The following TMEM47 variants were observed in gnomAD, a reference collection of about 807,000 sequenced individuals.
TMEM47 encodes brain cell membrane protein 1.
A neutral mutation model predicts 12.4 loss-of-function variants in TMEM47; 3 were observed. The ratio of observed to expected loss-of-function variants is 0.24; its 90% CI spans 0.11 to 0.63. The LOEUF (loss-of-function observed/expected upper bound fraction) is 0.63. TMEM47 is among the 20% of genes least tolerant of loss of function. The probability of loss-of-function intolerance (pLI) is 0.86; values close to 1 mark genes in which losing one functional copy is unlikely to be tolerated. For missense variants in TMEM47, 89 were observed against 143.8 expected, an observed-to-expected ratio of 0.62 and a Z score of 1.95; for synonymous variants, 62 against 63.3, an observed-to-expected ratio of 0.98 and a Z score of 0.10.
chrX:34,632,377 G>A (rs1186344037), intron 2 of TMEM47, among the ~76,000 whole-genome samples: 2 of 111,481 alleles, frequency 1.8e-5, no homozygotes, highest in East Asian at 5.6e-4. Context: ...GTTTTAAAAT[G>A]TACTCTCATC....
chrX:34,645,390 G>A (rs190426442), intron 1 of TMEM47, among the ~76,000 whole-genome samples: 2 of 111,850 alleles, frequency 1.8e-5, no homozygotes, highest in Admixed American at 1.9e-4. Flanking sequence ...TTAATGCTAC[G>A]CATTTCTGAG....
chrX:34,637,129 G>A (rs1042640791), intron 2 of TMEM47, among the ~76,000 whole-genome samples: 5 of 111,613 alleles, frequency 4.5e-5, no homozygotes, highest in Admixed American at 3.8e-4. Flanking sequence ...CACATGACAG[G>A]TGCTTAATTA....
chrX:34,653,060 T>A (rs1922044562), intron 1 of TMEM47, among the ~76,000 whole-genome samples: 1 of 112,241 alleles, frequency 8.9e-6, no homozygotes, highest in Admixed American at 9.4e-5. Flanking sequence ...ATCTCAGATT[T>A]GCTAAGACGT....
At chrX:34,654,843 C>T (rs1922076246) in intron 1 of TMEM47, among the ~76,000 whole-genome samples, 1 of 111,943 alleles carries the variant, frequency 8.9e-6, no homozygotes, top group African/African-American at 3.3e-5. Flanking sequence ...AGCTGATTTT[C>T]AGAAATCCAA....
intron 1 of TMEM47, among the ~76,000 whole-genome samples, chrX:34,653,678 A>T (rs933759300): frequency 9.0e-6 from 1 of 111,677 alleles, no homozygotes; most frequent in African/African-American, 3.3e-5. Context: ...TCCTAGAAAT[A>T]AAGTTAGCAA....
intron 2 of TMEM47, among the ~76,000 whole-genome samples, chrX:34,635,406 T>C (rs1019868405): frequency 1.8e-4 from 20 of 111,758 alleles, no homozygotes; most frequent in African/African-American, 6.2e-4. Context: ...ATAAAGTATA[T>C]GCACTTGATT....
At chrX:34,646,908 C>G (rs1478932019) in intron 1 of TMEM47, among the ~76,000 whole-genome samples, 1 of 111,583 alleles carries the variant, frequency 9.0e-6, no homozygotes, top group Non-Finnish European at 1.9e-5. Flanking sequence ...CTTCACAGCA[C>G]TTTGCACATT....
chrX:34,632,212 T>C (rs1434794930), intron 2 of TMEM47, among the ~76,000 whole-genome samples: 1 of 111,825 alleles, frequency 8.9e-6, no homozygotes. Context: ...TTTTGTTTAA[T>C]TCATCTGAAA....
intron 2 of TMEM47, among the ~76,000 whole-genome samples, chrX:34,635,228 A>G (rs766873002): frequency 8.9e-6 from 1 of 111,779 alleles, no homozygotes; most frequent in African/African-American, 3.2e-5. Context: ...GAATGAGATT[A>G]TTCTCGAGGT....
intron 1 of TMEM47, among the ~76,000 whole-genome samples, chrX:34,648,593 A>T (rs755056706): frequency 2.0e-4 from 23 of 112,239 alleles, no homozygotes; most frequent in African/African-American, 7.4e-4. Context: ...CTACGTTGTC[A>T]ACCCTATAAG....
intron 1 of TMEM47, among the ~76,000 whole-genome samples, chrX:34,642,144 A>G (rs1242038908): frequency 1.8e-5 from 2 of 112,768 alleles, no homozygotes; most frequent in African/African-American, 6.4e-5. Flanking sequence ...GGCGTGAGCC[A>G]CTGCACCCAG....
chrX:34,648,815 C>G (rs751356432), intron 1 of TMEM47, among the ~76,000 whole-genome samples: 35 of 112,011 alleles, frequency 3.1e-4, no homozygotes, highest in Non-Finnish European at 5.8e-4. Context: ...GATCTAATAG[C>G]CAGCATCCAT....
intron 2 of TMEM47, among the ~76,000 whole-genome samples, chrX:34,632,227 C>T (rs1921638797): frequency 1.8e-5 from 2 of 110,610 alleles, no homozygotes; most frequent in African/African-American, 6.6e-5. Context: ...CTGAAAAGAA[C>T]AAAAATGTGA....
At chrX:34,635,327 T>C (rs1921696901) in intron 2 of TMEM47, among the ~76,000 whole-genome samples, 1 of 112,014 alleles carries the variant, frequency 8.9e-6, no homozygotes, top group Non-Finnish European at 1.9e-5. Flanking sequence ...TGTAACCTTT[T>C]AATGGCTGCT....
At chrX:34,633,763 A>G (rs1236658973) in intron 2 of TMEM47, among the ~76,000 whole-genome samples, 2 of 111,457 alleles carry the variant, frequency 1.8e-5, no homozygotes, top group Non-Finnish European at 3.8e-5. Context: ...TCCATGGTAT[A>G]ATATAATGAT....
At chrX:34,635,711 C>A (rs1433562320) in intron 2 of TMEM47, among the ~76,000 whole-genome samples, 1 of 111,689 alleles carries the variant, frequency 9.0e-6, no homozygotes, top group East Asian at 2.8e-4. Flanking sequence ...CATCTTAAAA[C>A]AGTCAGATAT....
chrX:34,657,083 C>G lies in TMEM47; in HGVS notation c.-54G>C. On this transcript the variant is annotated 5_prime_UTR_variant, in exon 1 of 3. Transcript: ENST00000275954. ...CGCAGGCGAGGACGCCAGGCGGGTC[C>G]GGAGAGCCGGGAGCCGGACCTCCCG... The G allele has an allele frequency of 3.7e-6, 4 of 1,090,269 alleles. No individual in the cohort carries two copies. The highest frequency in any genetic ancestry group is 4.8e-6 in the Non-Finnish European group (4 of 838,176). 89.9% of individuals were successfully genotyped at this position (1,090,269 alleles called of 1,213,427 possible).
At chrX:34,636,220 T>C (rs936151639) in intron 2 of TMEM47, among the ~76,000 whole-genome samples, 3 of 111,478 alleles carry the variant, frequency 2.7e-5, no homozygotes, top group African/African-American at 9.8e-5. Flanking sequence ...TATCTCACTG[T>C]GACTTATAGG....
rs778020862 is a variant in TMEM47, at chrX:34,645,203, G to A, written c.227-5816C>T. ...ATCAGGAACCGGAAATAGTAGGATGGTTTAGTACTAAAGGAAAAAAGAAAG... is the reference window on the plus strand; with the variant it reads ...ATCAGGAACCGGAAATAGTAGGATGATTTAGTACTAAAGGAAAAAAGAAAG... On this transcript the variant is annotated intron_variant, in intron 1 of 2. Transcript: ENST00000275954. 3.6e-5 allele frequency among the ~76,000 whole-genome samples: 4 copies of A among 111,694 alleles called. No homozygotes were observed. In the East Asian group the frequency reaches 1.1e-3, roughly 31 times the overall value.
Sources: allele counts gnomAD v4.1 joint callset (sites outside exome capture counted in the v4.1 genomes callset), GRCh38; gene constraint gnomAD v4.1.1; transcripts MANE v1.5; gene names NCBI Gene and HGNC (gene_info 2026-07-23, HGNC 2026-07-21).